The following TNNI3K variants were observed in gnomAD, a reference collection of about 807,000 sequenced individuals.
TNNI3K encodes TNNI3 interacting kinase, also known as serine/threonine-protein kinase TNNI3K.
TNNI3K carries 140 observed loss-of-function variants against 114.5 expected under a neutral mutation model. The observed-to-expected ratio is 1.22, with a 90% confidence interval of 1.07 to 1.41. The LOEUF (loss-of-function observed/expected upper bound fraction) is 1.41. TNNI3K is among the 40% of genes most tolerant of loss of function. TNNI3K has a pLI of 0.00. For synonymous variants in TNNI3K, 347 were observed against 347.5 expected (o/e 1.00, Z 0.02); for missense variants, 1,125 against 1,007.6 (o/e 1.12, Z -1.58).
chr1:74,463,506 C>T lies in TNNI3K; in HGVS notation c.2077C>T (p.Pro693Ser). ...RPPIGYSIPK[P>S]ISSLLIRGWN... is the part of the protein sequence containing the mutation. ...TCCCATTGGCTATTCCATTCCCAAGCCCATATCATCTCTGCTGATACGAGG... is the reference window on the plus strand; with the variant it reads ...TCCCATTGGCTATTCCATTCCCAAGTCCATATCATCTCTGCTGATACGAGG... The change falls in exon 21 of 25, where the codon CCC becomes TCC. Residue 693 changes from proline (P) to serine (S), a missense_variant. Pro to Ser is a moderately conservative substitution (Grantham distance 74). Coordinates refer to ENST00000326637, the MANE Select transcript of TNNI3K (RefSeq NM_015978.3). The T allele has an allele frequency of 6.2e-7, 1 of 1,614,178 alleles. No individual in the cohort carries two copies. Among genetic ancestry groups the T allele is most frequent in the Non-Finnish European group, 8.5e-7 (1 of 1,180,034 alleles).
intron 20 of TNNI3K, among the ~76,000 whole-genome samples, chr1:74,447,133 G>A (rs1666734409): frequency 6.6e-6 from 1 of 151,472 alleles, no homozygotes; most frequent in Admixed American, 6.6e-5. Context: ...ACTTTGGGCA[G>A]TATGGCCATT....
At chr1:74,352,477 C>G (rs1157916826) in intron 9 of TNNI3K, among the ~76,000 whole-genome samples, 3 of 152,282 alleles carry the variant, frequency 2.0e-5, no homozygotes, top group African/African-American at 2.4e-5. Context: ...CTGGGAGAAC[C>G]ACTACTCTCT....
At chr1:74,397,941 G>T (rs575167674) in intron 17 of TNNI3K, among the ~76,000 whole-genome samples, 1 of 152,232 alleles carries the variant, frequency 6.6e-6, no homozygotes, top group Admixed American at 6.5e-5. Flanking sequence ...CCTATGGAGT[G>T]CTACACACCT....
chr1:74,276,187 T>C (rs922502857), intron 5 of TNNI3K, among the ~76,000 whole-genome samples: 1 of 152,120 alleles, frequency 6.6e-6, no homozygotes, highest in African/African-American at 2.4e-5. Context: ...AGTGGAAATG[T>C]TCATTAATCA....
At chr1:74,307,855 C>T (rs570133870) in intron 5 of TNNI3K, among the ~76,000 whole-genome samples, 5 of 152,122 alleles carry the variant, frequency 3.3e-5, no homozygotes, top group African/African-American at 4.8e-5. Flanking sequence ...CCCAGCTACT[C>T]GGAAGGTTGA....
At chr1:74,505,868 T>C (rs576856583) in intron 23 of TNNI3K, among the ~76,000 whole-genome samples, 111 of 152,356 alleles carry the variant, frequency 7.3e-4, no homozygotes, top group African/African-American at 2.5e-3. Context: ...AGCTGAACAT[T>C]TTTTATTAAT....
At chr1:74,375,148 T>C (rs1447638736) in intron 17 of TNNI3K, 1 of 156,442 alleles carries the variant, frequency 6.4e-6, no homozygotes, top group African/African-American at 2.4e-5. Flanking sequence ...ACAAAATGCA[T>C]TTTTTATTAC....
intron 17 of TNNI3K, chr1:74,373,477 A>T (rs1557528433): frequency 6.6e-6 from 1 of 151,868 alleles, no homozygotes; most frequent in Non-Finnish European, 1.5e-5. Flanking sequence ...GTGTGTTTAT[A>T]TTTTTATATT....
At chr1:74,456,283 C>T (rs1413998071) in intron 20 of TNNI3K, among the ~76,000 whole-genome samples, 1 of 152,058 alleles carries the variant, frequency 6.6e-6, no homozygotes, top group Non-Finnish European at 1.5e-5. Flanking sequence ...GCTTAACCAT[C>T]ATGATAATGA....
At chr1:74,253,773 G>A (rs971660092) in intron 4 of TNNI3K, among the ~76,000 whole-genome samples, 6 of 152,044 alleles carry the variant, frequency 3.9e-5, no homozygotes, top group Admixed American at 1.3e-4. Flanking sequence ...CTCCAGCCTC[G>A]GCCATCCCAG....
chr1:74,463,303 A>G (rs1270537082), intron 20 of TNNI3K, 138 bp from the exon 21 acceptor site: 3 of 827,038 alleles, frequency 3.6e-6, no homozygotes, highest in Non-Finnish European at 5.9e-6. Flanking sequence ...TTGGGGGAAA[A>G]AAGCCTAGAG....
chr1:74,443,140 G>A (rs1177106923), intron 20 of TNNI3K, among the ~76,000 whole-genome samples: 1 of 151,970 alleles, frequency 6.6e-6, no homozygotes, highest in Non-Finnish European at 1.5e-5. Context: ...AAAGCTAGCA[G>A]AAGAAAAGAA....
At chr1:74,459,337 G>A (rs898906806) in intron 20 of TNNI3K, among the ~76,000 whole-genome samples, 2 of 152,126 alleles carry the variant, frequency 1.3e-5, no homozygotes, top group Admixed American at 6.5e-5. Flanking sequence ...TGATCTATAT[G>A]CACAGGCAGA....
intron 20 of TNNI3K, among the ~76,000 whole-genome samples, chr1:74,452,947 A>G (rs1012099110): frequency 6.6e-6 from 1 of 152,072 alleles, no homozygotes; most frequent in Non-Finnish European, 1.5e-5. Context: ...ACTCCAATTT[A>G]TTTTTAGGTC....
intron 11 of TNNI3K, among the ~76,000 whole-genome samples, chr1:74,355,801 T>G (rs1194572237): frequency 6.6e-5 from 10 of 152,098 alleles, no homozygotes; most frequent in Admixed American, 5.9e-4. Context: ...GGGAGTTACT[T>G]TAATAAAGAC....
intron 5 of TNNI3K, among the ~76,000 whole-genome samples, chr1:74,314,989 G>T (rs2100363686): frequency 6.6e-6 from 1 of 152,204 alleles, no homozygotes; most frequent in South Asian, 2.1e-4. Context: ...ATCATGAAAT[G>T]CCTCTACGAA....
chr1:74,284,160 A>G (rs536182104), intron 5 of TNNI3K, among the ~76,000 whole-genome samples: 1 of 152,330 alleles, frequency 6.6e-6, no homozygotes, highest in African/African-American at 2.4e-5. Flanking sequence ...TAGTAAAATA[A>G]CAAGTGGGGG....
At chr1:74,378,639 T>TCCCCA (rs1663043812) in intron 17 of TNNI3K, 1 of 123,530 alleles carries the variant, frequency 8.1e-6, no homozygotes, top group Non-Finnish European at 1.7e-5. Context: ...TATATATATA[T>TCCCCA]ATTTCATTTC....
At chr1:74,460,627 G>GA (rs1667418459) in intron 20 of TNNI3K, among the ~76,000 whole-genome samples, 1 of 152,184 alleles carries the variant, frequency 6.6e-6, no homozygotes, top group Non-Finnish European at 1.5e-5. Flanking sequence ...TCCTGAATCT[G>GA]TAATACCAGA....
Sources: gnomAD v4.1 joint callset for allele counts (sites outside exome capture counted in the v4.1 genomes callset) on GRCh38, gnomAD v4.1.1 for gene constraint, MANE v1.5 for transcripts, NCBI Gene and HGNC (gene_info 2026-07-23, HGNC 2026-07-21) for gene names.